Variants in NDUFAF2 observed in about 807,000 individuals in gnomAD.
NDUFAF2 encodes NADH:ubiquinone oxidoreductase complex assembly factor 2.
A neutral mutation model predicts 22.8 loss-of-function variants in NDUFAF2; 13 were observed. The ratio of observed to expected loss-of-function variants is 0.57; its 90% CI spans 0.37 to 0.91. NDUFAF2 has a LOEUF of 0.91. Among genes scored for constraint, NDUFAF2 ranks in the 40% least tolerant of loss-of-function variants. The pLI is 0.01. For synonymous variants in NDUFAF2, 53 were observed against 64.2 expected, an observed-to-expected ratio of 0.83 and a Z score of 0.84; for missense variants, 162 against 195.2, an observed-to-expected ratio of 0.83 and a Z score of 1.01.
At chr5:61,056,037 G>C (rs77458564) in intron 1 of NDUFAF2, among the ~76,000 whole-genome samples, 1 of 152,026 alleles carries the variant, frequency 6.6e-6, no homozygotes, top group East Asian at 1.9e-4. Flanking sequence ...TTATTGACAC[G>C]TTGCTAAATT....
At chr5:61,005,601 T>C in intron 1 of NDUFAF2, among the ~76,000 whole-genome samples, 1 of 152,312 alleles carries the variant, frequency 6.6e-6, no homozygotes, top group South Asian at 2.1e-4. Context: ...CAGCACCTGT[T>C]GTTTCCTGAT....
chr5:61,126,440 C>T (rs114533699), intron 3 of NDUFAF2, among the ~76,000 whole-genome samples: 3,064 of 151,978 alleles, frequency 0.02, 95 homozygotes, highest in African/African-American at 0.067. Context: ...AATTGTATGA[C>T]GGATTAGCAC....
chr5:61,019,517 C>T (rs1751551833), intron 1 of NDUFAF2, among the ~76,000 whole-genome samples: 1 of 151,910 alleles, frequency 6.6e-6, no homozygotes, highest in African/African-American at 2.4e-5. Flanking sequence ...TTAAAAAATG[C>T]AGTACACTTC....
At chr5:61,079,624 G>C (rs1483827137) in intron 2 of NDUFAF2, among the ~76,000 whole-genome samples, 1 of 152,216 alleles carries the variant, frequency 6.6e-6, no homozygotes, top group Admixed American at 6.5e-5. Flanking sequence ...GAATATTCTT[G>C]CATTGTTTCT....
intron 1 of NDUFAF2, among the ~76,000 whole-genome samples, chr5:61,047,477 A>G (rs1751968096): frequency 1.3e-5 from 2 of 152,172 alleles, no homozygotes; most frequent in Non-Finnish European, 1.5e-5. Context: ...GCTAGTGTCA[A>G]AGCATTCCCA....
At chr5:60,986,465 T>C (rs1040704171) in intron 1 of NDUFAF2, among the ~76,000 whole-genome samples, 2 of 152,140 alleles carry the variant, frequency 1.3e-5, no homozygotes, top group Non-Finnish European at 2.9e-5. Context: ...GGCACAGATA[T>C]GGCAGCATTA....
Position 60,955,958 on chromosome 5 carries a change from A to G in NDUFAF2, c.127+10576A>G, listed in dbSNP as rs1750609790. On this transcript the variant is annotated intron_variant, in intron 1 of 3. Coordinates refer to ENST00000296597, the MANE Select transcript of NDUFAF2 (RefSeq NM_174889.5). ...GAGATAGAGTCTCGCTCTGTCACTC[A>G]GGCTGGAGGGCACTGGCGCGATCTC... Among the ~76,000 whole-genome samples, 3 of 150,044 alleles carry G rather than the reference A, an allele frequency of 2.0e-5. No homozygotes were observed. The South Asian group carries it at 6.2e-4, about 31-fold the overall frequency.
Position 61,002,267 on chromosome 5 carries a change from T to C in NDUFAF2, c.127+56885T>C, listed in dbSNP as rs1459270981. Among the ~76,000 whole-genome samples, 6 of 152,276 alleles carry C rather than the reference T, an allele frequency of 3.9e-5. No homozygotes were observed. In the South Asian group the frequency reaches 6.2e-4, roughly 16 times the overall value. ...CTCTAATACTAGCTTAAGATAAGAATTGTAGTTTTACTTTAATGTATCACT... is the reference window on the plus strand; with the variant it reads ...CTCTAATACTAGCTTAAGATAAGAACTGTAGTTTTACTTTAATGTATCACT... On this transcript the variant is annotated intron_variant, in intron 1 of 3. Transcript: ENST00000296597.
intron 1 of NDUFAF2, among the ~76,000 whole-genome samples, chr5:61,000,202 G>T (rs1293310002): frequency 6.6e-6 from 1 of 152,088 alleles, no homozygotes; most frequent in Non-Finnish European, 1.5e-5. Flanking sequence ...ATGAACAAGG[G>T]AATTAAAAGA....
chr5:61,108,739 T>C (rs1752799897), intron 3 of NDUFAF2, among the ~76,000 whole-genome samples: 1 of 152,210 alleles, frequency 6.6e-6, no homozygotes, highest in African/African-American at 2.4e-5. Context: ...ATATATGTTC[T>C]TGATACCTTT....
chr5:60,986,937 C>CAA (rs200015156), intron 1 of NDUFAF2, among the ~76,000 whole-genome samples: 2,921 of 73,340 alleles, frequency 0.04, 51 homozygotes, highest in Non-Finnish European at 0.062. Flanking sequence ...TCTTTTGTCT[C>CAA]AAAAAAAAAA....
chr5:60,962,012 C>A (rs1750693404), intron 1 of NDUFAF2, among the ~76,000 whole-genome samples: 1 of 151,526 alleles, frequency 6.6e-6, no homozygotes, highest in African/African-American at 2.4e-5. Context: ...TTTTTTCCTC[C>A]AGCTTTATTG....
chr5:61,056,919 A>AAAT (rs1752105032), intron 1 of NDUFAF2, among the ~76,000 whole-genome samples: 3 of 28,802 alleles, frequency 1.0e-4, no homozygotes, highest in Non-Finnish European at 1.7e-4. Context: ...AAAAAAAAAA[A>AAAT]ATATATATAT....
intron 2 of NDUFAF2, among the ~76,000 whole-genome samples, chr5:61,076,235 T>C (rs979712898): frequency 2.0e-5 from 3 of 151,648 alleles, no homozygotes; most frequent in African/African-American, 7.3e-5. Context: ...CACGCCCGGC[T>C]AATTTTGTTT....
chr5:61,073,036 T>C (rs1752320295), intron 1 of NDUFAF2, 89 bp from the exon 2 acceptor site: 25 of 815,002 alleles, frequency 3.1e-5, no homozygotes, highest in South Asian at 3.0e-4. Flanking sequence ...TTTTACTATA[T>C]AAGGGGTTAT....
At chr5:61,067,136 AT>A (rs902958004) in intron 1 of NDUFAF2, among the ~76,000 whole-genome samples, 9 of 151,986 alleles carry the variant, frequency 5.9e-5, no homozygotes, top group South Asian at 2.1e-4. Flanking sequence ...GTATATTTTA[AT>A]TTTTTTTATG....
At chr5:61,112,032 C>G (rs1186787753) in intron 3 of NDUFAF2, among the ~76,000 whole-genome samples, 1 of 152,090 alleles carries the variant, frequency 6.6e-6, no homozygotes, top group Non-Finnish European at 1.5e-5. Flanking sequence ...CCTGGGATTA[C>G]AGGCGTGAGC....
intron 3 of NDUFAF2, among the ~76,000 whole-genome samples, chr5:61,107,653 T>A (rs1041131351): frequency 3.2e-4 from 48 of 148,516 alleles, no homozygotes; most frequent in Admixed American, 1.0e-3. Context: ...TCTCTTTTTT[T>A]AATTATGATT....
At chr5:61,136,947 G>A (rs374533774) in intron 3 of NDUFAF2, among the ~76,000 whole-genome samples, 1 of 152,204 alleles carries the variant, frequency 6.6e-6, no homozygotes, top group Non-Finnish European at 1.5e-5. Context: ...AACTGCAGAA[G>A]TTTGAAGTAA....
Sources: gnomAD v4.1 joint callset for allele counts (sites outside exome capture counted in the v4.1 genomes callset) on GRCh38, gnomAD v4.1.1 for gene constraint, MANE v1.5 for transcripts, NCBI Gene and HGNC (gene_info 2026-07-23, HGNC 2026-07-21) for gene names.